The following CLEC5A variants were observed in gnomAD, a reference collection of about 807,000 sequenced individuals.
The protein encoded by CLEC5A is C-type lectin domain containing 5A, also known as C-type lectin domain family 5 member A.
Under a neutral mutation model 24.4 loss-of-function variants are expected in CLEC5A, and 15 were observed. That is an observed-to-expected ratio of 0.62 (90% confidence interval 0.41 to 0.95). The LOEUF is 0.95. Ranked by LOEUF, CLEC5A falls within the 40% of genes least tolerant of loss-of-function variation. The pLI is 0.00. For synonymous variants in CLEC5A, 71 were observed against 72.6 expected (o/e 0.98, Z 0.11); for missense variants, 211 against 224.0 (o/e 0.94, Z 0.37).
intron 3 of CLEC5A, 149 bp downstream of exon 3, chr7:141,945,192 T>C (rs1168089678): frequency 1.4e-6 from 1 of 738,344 alleles, no homozygotes; most frequent in African/African-American, 1.7e-5. Flanking sequence ...TTTTCTCATA[T>C]GTAAAAGAAA....
chr7:141,943,893 T>A lies in CLEC5A; in HGVS notation c.208+3A>T. 1.3e-6 allele frequency: 2 copies of A among 1,597,034 alleles called. No homozygotes were observed. Among genetic ancestry groups the A allele is most frequent in the South Asian group, 2.2e-5 (2 of 90,714 alleles). On this transcript the variant is annotated splice_donor_region_variant and intron_variant, in intron 4 of 6. Transcript: ENST00000546910. ...GGGAGTAGGTTGTAATCATGCACTT[T>A]ACCTGTTCCATAGCTCCTTGTGGTA...
chr7:141,941,496 C>G (rs1244317496), intron 4 of CLEC5A, among the ~76,000 whole-genome samples: 1 of 152,084 alleles, frequency 6.6e-6, no homozygotes, highest in African/African-American at 2.4e-5. Context: ...AAATGAAAGC[C>G]TTTCCTGTAA....
chr7:141,935,750 C>A, intron 5 of CLEC5A, 64 bp downstream of exon 5: 2 of 1,514,196 alleles, frequency 1.3e-6, no homozygotes, highest in Non-Finnish European at 1.8e-6. Context: ...AAGTTTCTAC[C>A]CCATCCCACC....
chr7:141,935,663 C>A, intron 5 of CLEC5A, 151 bp downstream of exon 5: 1 of 681,780 alleles, frequency 1.5e-6, no homozygotes, highest in East Asian at 2.6e-5. Flanking sequence ...CTCCTAACCT[C>A]CAGTCCAGAA....
At chr7:141,930,537 G>C (rs1802429274) in intron 6 of CLEC5A, among the ~76,000 whole-genome samples, 1 of 152,172 alleles carries the variant, frequency 6.6e-6, no homozygotes, top group Non-Finnish European at 1.5e-5. Flanking sequence ...AGCATCTCAT[G>C]GGCTGTCTCT....
chr7:141,943,807 A>AT, intron 4 of CLEC5A, 89 bp downstream of exon 4: 1 of 928,324 alleles, frequency 1.1e-6, no homozygotes, highest in South Asian at 1.4e-5. Context: ...AAAAAATTCC[A>AT]TAAGAATAAA....
At chr7:141,937,640 A>G (rs1251808525) in intron 4 of CLEC5A, among the ~76,000 whole-genome samples, 1 of 152,150 alleles carries the variant, frequency 6.6e-6, no homozygotes, top group Non-Finnish European at 1.5e-5. Flanking sequence ...GGCTGGCTTC[A>G]CCATATGCTG....
Position 141,946,272 on chromosome 7 carries a change from G to A in CLEC5A, c.21C>T (p.Ile7=). The stretch of plus-strand genomic sequence containing the variant: ...TAAGCACTACCACAATAAGCCCAGA[G>A]ATGATCATGTGCCAGTTCATGATGA... The part of the protein sequence containing the change: MNWHMI[I]SGLIVVVLKV... The change falls in exon 2 of 7, where the codon ATC becomes ATT. Residue 7 remains isoleucine (I), a synonymous_variant. Coordinates refer to ENST00000546910, the MANE Select transcript of CLEC5A (RefSeq NM_013252.3). 1.3e-6 allele frequency: 2 copies of A among 1,571,692 alleles called. No individual in the cohort carries two copies. Among genetic ancestry groups the A allele is most frequent in the East Asian group, 4.6e-5 (2 of 43,470 alleles).
chr7:141,943,340 T>C (rs951411213), intron 4 of CLEC5A, among the ~76,000 whole-genome samples: 17 of 152,128 alleles, frequency 1.1e-4, no homozygotes, highest in Non-Finnish European at 2.5e-4. Context: ...AAACTTCACA[T>C]GTTTTCACTT....
chr7:141,937,602 A>C lies in CLEC5A; in HGVS notation c.209-1652T>G, dbSNP rs190697032. 8.4e-4 allele frequency among the ~76,000 whole-genome samples: 128 copies of C among 152,324 alleles called. 3 individuals are homozygous for C. Among genetic ancestry groups the C allele is most frequent in the African/African-American group, 2.9e-3 (122 of 41,580 alleles). On this transcript the variant is annotated intron_variant, in intron 4 of 6. Transcript: ENST00000546910. ...ACCTATTTAGGGCCTGGTGGAACTC[A>C]CTGCCCTGAAGGGGAGGTCACAGGC...
intron 6 of CLEC5A, among the ~76,000 whole-genome samples, chr7:141,930,975 G>A (rs1279127311): frequency 1.3e-5 from 2 of 152,060 alleles, no homozygotes; most frequent in African/African-American, 2.4e-5. Flanking sequence ...TTACAGGCTG[G>A]GGGACTGACT....
intron 5 of CLEC5A, among the ~76,000 whole-genome samples, chr7:141,933,160 T>C (rs1198135302): frequency 3.3e-5 from 5 of 152,120 alleles, no homozygotes; most frequent in Non-Finnish European, 7.3e-5. Flanking sequence ...GTATCTCAGG[T>C]GTAGTACTAG....
intron 6 of CLEC5A, 78 bp from the exon 7 acceptor site, chr7:141,930,296 C>G (rs905735407): frequency 5.5e-6 from 6 of 1,086,680 alleles, no homozygotes; most frequent in East Asian, 2.5e-5. Context: ...TTTAGCCCAG[C>G]CTCTTCCTGA....
chr7:141,931,750 C>CGCG lies in CLEC5A; in HGVS notation c.421_422insCGC (p.Trp140_Arg141insPro). 1 of 1,598,250 alleles carries CGCG rather than the reference C, an allele frequency of 6.3e-7. No individual in the cohort carries two copies. Among genetic ancestry groups the CGCG allele is most frequent in the Non-Finnish European group, 8.6e-7 (1 of 1,165,672 alleles). ...ATTGAACACAGAGTTGTTGATCCAA[C>CGCG]GCCACCTTTTCTCTTCACGATGGTA... On this transcript the variant is annotated inframe_insertion, in exon 6 of 7. Coordinates refer to ENST00000546910, the MANE Select transcript of CLEC5A (RefSeq NM_013252.3).
chr7:141,937,871 G>A (rs1362754682), intron 4 of CLEC5A, among the ~76,000 whole-genome samples: 1 of 152,196 alleles, frequency 6.6e-6, no homozygotes, highest in Non-Finnish European at 1.5e-5. Flanking sequence ...AAAAGAATAA[G>A]AGTCTCTGTC....
intron 4 of CLEC5A, among the ~76,000 whole-genome samples, chr7:141,939,396 C>G (rs1033668244): frequency 6.6e-6 from 1 of 151,698 alleles, no homozygotes; most frequent in African/African-American, 2.4e-5. Flanking sequence ...TATTTGCAAG[C>G]CTCATAGTAA....
At chr7:141,946,392 C>G in intron 1 of CLEC5A, 80 bp from the exon 2 acceptor site, 1 of 1,301,636 alleles carries the variant, frequency 7.7e-7, no homozygotes, top group South Asian at 1.3e-5. Context: ...GCCTCTCGCT[C>G]AGAGTACCCA....
At chr7:141,946,062 A>C in intron 2 of CLEC5A, 152 bp downstream of exon 2, 1 of 726,430 alleles carries the variant, frequency 1.4e-6, no homozygotes, top group Non-Finnish European at 2.3e-6. Context: ...GGGAGTGAGA[A>C]AGGCATTGCC....
intron 5 of CLEC5A, among the ~76,000 whole-genome samples, chr7:141,934,613 GTTTTTTTTTTTTTTT>G (rs577797546): frequency 2.6e-4 from 16 of 61,788 alleles, no homozygotes; most frequent in Non-Finnish European, 2.9e-4. Context: ...TTTCTTTAAC[GTTTTTTTTTTTTTTT>G]TTTTTTTTTT....
Sources: allele counts gnomAD v4.1 joint callset (sites outside exome capture counted in the v4.1 genomes callset), GRCh38; gene constraint gnomAD v4.1.1; transcripts MANE v1.5; gene names NCBI Gene and HGNC (gene_info 2026-07-23, HGNC 2026-07-21).